The following SHOX variants were observed in gnomAD, a reference collection of about 807,000 sequenced individuals.
SHOX encodes SHOX homeobox, also known as short stature homeobox protein.
In SHOX, 12 loss-of-function variants were observed where a neutral mutation model predicts 29.6. The ratio of observed to expected loss-of-function variants is 0.41; its 90% CI spans 0.26 to 0.66. The LOEUF is 0.66. SHOX is among the 30% of genes least tolerant of loss of function. SHOX has a pLI of 0.35. For missense variants in SHOX, 499 were observed against 437.7 expected, an observed-to-expected ratio of 1.14 and a Z score of -1.25; for synonymous variants, 214 against 200.6, an observed-to-expected ratio of 1.07 and a Z score of -0.57.
In SHOX at chrX:651,119, TGG is replaced by T; in HGVS notation, c.*6484_*6485del. Reference sequence around the variant, plus strand: ...CATTTGTTATTTATTTTTTTTTCCTTGGTCGGACGTTCATAAATATGTACTAT... The same window carrying T: ...CATTTGTTATTTATTTTTTTTTCCTTTCGGACGTTCATAAATATGTACTAT... On this transcript the variant is annotated 3_prime_UTR_variant, in exon 5 of 5. Coordinates refer to ENST00000686671, the MANE Select transcript of SHOX (RefSeq NM_000451.4). 5.8e-6 allele frequency: 2 copies of T among 346,044 alleles called. No homozygotes were observed. Among genetic ancestry groups the T allele is most frequent in the Non-Finnish European group, 1.1e-5 (2 of 177,622 alleles). The allele number at this position is 346,044 out of a possible 1,614,324, so 21.4% of individuals were successfully genotyped here.
chrX:630,881 C>T lies in SHOX; in HGVS notation c.-17C>T. On this transcript the variant is annotated 5_prime_UTR_variant, in exon 1 of 5. Coordinates refer to ENST00000686671, the MANE Select transcript of SHOX (RefSeq NM_000451.4). Reference sequence around the variant, plus strand: ...GCATCCACCAGCCCCGGCTGCTCGCCAGCCCCGGCCCCAGCCATGGAAGAG... The same window carrying T: ...GCATCCACCAGCCCCGGCTGCTCGCTAGCCCCGGCCCCAGCCATGGAAGAG... 2 of 1,612,540 alleles carry T rather than the reference C, an allele frequency of 1.2e-6. No individual in the cohort carries two copies. The highest frequency in any genetic ancestry group is 1.7e-6 in the Non-Finnish European group (2 of 1,179,772).
In SHOX at chrX:650,806, A is replaced by AAAC. The variant is rs1556473169; in HGVS notation, c.*6172_*6173insCAA. Among the ~76,000 whole-genome samples the AAAC allele has an allele frequency of 1.8e-3, 259 of 143,764 alleles. 4 individuals are homozygous for AAAC. Among genetic ancestry groups the AAAC allele is most frequent in the Non-Finnish European group, 3.4e-3 (223 of 65,710 alleles). The allele number at this position is 143,764 out of a possible 152,430, so 94.3% of individuals were successfully genotyped here. ...ACGTTTGACATTAAAAAAAAAAAAA[A>AAAC]AAAAAAAAAAAAACTGGTGCCTAAT... On this transcript the variant is annotated 3_prime_UTR_variant, in exon 5 of 5. Transcript: ENST00000686671.
upstream of SHOX, among the ~76,000 whole-genome samples, chrX:629,287 C>A (rs1291425092): frequency 2.0e-5 from 3 of 151,514 alleles, no homozygotes; most frequent in Non-Finnish European, 4.4e-5. Flanking sequence ...CTCTCTCCGT[C>A]TCTCCCTGTC....
At position 650,810 on chromosome X, in the gene SHOX, A is replaced by AAC. The variant is rs1556473215; in HGVS notation, c.*6175_*6176insCA. On this transcript the variant is annotated 3_prime_UTR_variant, in exon 5 of 5. Transcript: ENST00000686671. ...TTGACATTAAAAAAAAAAAAAAAAAAAAAAAAAAACTGGTGCCTAATTTAT... is the reference window on the plus strand; with the variant it reads ...TTGACATTAAAAAAAAAAAAAAAAAAACAAAAAAAAACTGGTGCCTAATTTAT... Among the ~76,000 whole-genome samples the AAC allele has an allele frequency of 2.7e-5, 4 of 150,096 alleles. No homozygotes were observed. Among genetic ancestry groups the AAC allele is most frequent in the African/African-American group, 7.3e-5 (3 of 40,834 alleles).
intron 1 of SHOX, chrX:631,959 G>A (rs911955399): frequency 1.5e-5 from 7 of 455,986 alleles, no homozygotes; most frequent in African/African-American, 1.0e-4. Flanking sequence ...CGGGCCCCCG[G>A]AGATCACGGG....
At chrX:624,884 TTCTTTCTTTCTTTCTTTCTC>T (rs751477891) in intron 1 of SHOX, among the ~76,000 whole-genome samples, 20,461 of 107,346 alleles carry the variant, frequency 0.19, 2,011 homozygotes, top group South Asian at 0.27. Flanking sequence ...CTTTCTTTCT[TTCTTTCTTTCTTTCTTTCTC>T]TCTTCCTTTC....
In SHOX at chrX:651,257, G is replaced by T; in HGVS notation, c.*6621G>T. 2.2e-6 allele frequency: 1 copy of T among 453,518 alleles called. No homozygotes were observed. Among genetic ancestry groups the T allele is most frequent in the South Asian group, 1.6e-5 (1 of 63,892 alleles). 28.1% of individuals were successfully genotyped at this position (453,518 alleles called of 1,614,324 possible). On this transcript the variant is annotated 3_prime_UTR_variant, in exon 5 of 5. Transcript: ENST00000686671. ...CCATTGACGACATAGCGGCCCCCGCGTCCGGGTTACAAATACATCTACAGA... is the reference window on the plus strand; with the variant it reads ...CCATTGACGACATAGCGGCCCCCGCTTCCGGGTTACAAATACATCTACAGA...
intron 5 of SHOX, among the ~76,000 whole-genome samples, chrX:658,228 G>A (rs933308655): frequency 2.6e-5 from 4 of 152,040 alleles, no homozygotes; most frequent in African/African-American, 4.8e-5. Flanking sequence ...GCCTGCCTCG[G>A]CCTCCCAAAG....
At position 647,268 on chromosome X, in the gene SHOX, A is replaced by G. The variant is rs766680517; in HGVS notation, c.*2632A>G. On this transcript the variant is annotated 3_prime_UTR_variant, in exon 5 of 5. Transcript: ENST00000686671. ...ACTTTCTGGTATTTTTAGTAGAGACAGGGTTTCAGCCTCCCGAGTAGCTGG... is the reference window on the plus strand; with the variant it reads ...ACTTTCTGGTATTTTTAGTAGAGACGGGGTTTCAGCCTCCCGAGTAGCTGG... Among the ~76,000 whole-genome samples, 13 of 126,546 alleles carry G rather than the reference A, an allele frequency of 1.0e-4. No individual in the cohort carries two copies. Among genetic ancestry groups the G allele is most frequent in the Admixed American group, 4.2e-4 (5 of 12,036 alleles). 83.0% of individuals were successfully genotyped at this position (126,546 alleles called of 152,430 possible).
intron 2 of SHOX, among the ~76,000 whole-genome samples, chrX:638,281 T>A (rs2052791480): frequency 6.6e-6 from 1 of 152,052 alleles, no homozygotes; most frequent in Admixed American, 6.6e-5. Context: ...CTCGCCGTGT[T>A]GAAGGGAGAG....
chrX:651,392 A>C lies in SHOX; in HGVS notation c.*6756A>C, dbSNP rs971772574. On this transcript the variant is annotated 3_prime_UTR_variant, in exon 5 of 5. Transcript: ENST00000686671. ...TGTCGGCAGGCGGTGAGGGGTAGAA[A>C]AAAAACAAACAAACAAACAGAAAAA... 2 of 448,024 alleles carry C rather than the reference A, an allele frequency of 4.5e-6. No individual in the cohort carries two copies. The highest frequency in any genetic ancestry group is 4.3e-5 in the African/African-American group (2 of 46,846). The allele number at this position is 448,024 out of a possible 1,614,324, so 27.8% of individuals were successfully genotyped here.
At chrX:634,880 G>C (rs2052716989) in intron 2 of SHOX, 54 bp downstream of exon 2, 1 of 1,528,326 alleles carries the variant, frequency 6.5e-7, no homozygotes, top group Non-Finnish European at 8.8e-7. Flanking sequence ...TGGTCCTCGG[G>C]AGCGCACAGC....
chrX:655,066 G>C (rs766360872), downstream of SHOX, among the ~76,000 whole-genome samples: 1 of 151,940 alleles, frequency 6.6e-6, no homozygotes. Flanking sequence ...CTGGCTGACA[G>C]AGTGAGACCA....
At position 643,603 on chromosome X, in the gene SHOX, CCTGGTGTCCTGGGAGAGCCTTGGGGAT is replaced by C. The variant is rs1569495074; in HGVS notation, c.634-774_634-748del. Among the ~76,000 whole-genome samples the C allele has an allele frequency of 8.2e-5, 11 of 133,536 alleles. No homozygotes were observed. The South Asian group carries it at 9.8e-4, about 12-fold the overall frequency. 87.6% of individuals were successfully genotyped at this position (133,536 alleles called of 152,430 possible). On this transcript the variant is annotated intron_variant, in intron 4 of 4. Coordinates refer to ENST00000686671, the MANE Select transcript of SHOX (RefSeq NM_000451.4). ...TGGTGTCCCGGGAGAGGCTTGGGGA[CCTGGTGTCCTGGGAGAGCCTTGGGGAT>C]CTGGTGTCCTGGGGAGAGGCTGGGG...
chrX:643,272 TGGG>T (rs2052895310), intron 4 of SHOX, among the ~76,000 whole-genome samples: 2 of 140,454 alleles, frequency 1.4e-5, no homozygotes, highest in African/African-American at 5.5e-5. Context: ...GGGAGAGGCT[TGGG>T]GACCTGGTGT....
Position 634,695 on chromosome X carries a change from C to T in SHOX, c.355C>T (p.Arg119Cys). Residue 119 changes from arginine to cysteine, a missense_variant, in exon 2 of 5, where the codon CGC becomes TGC. Arg to Cys is a radical substitution (Grantham distance 180). Transcript: ENST00000686671. ...EDGQTKLKQR[R>C]SRTNFTLEQL... Reference sequence around the variant, plus strand: ...CGGGCAGACCAAGCTGAAACAGAGGCGCAGCCGCACCAACTTCACGCTGGA... The same window carrying T: ...CGGGCAGACCAAGCTGAAACAGAGGTGCAGCCGCACCAACTTCACGCTGGA... The T allele has an allele frequency of 6.2e-7, 1 of 1,613,870 alleles. No homozygotes were observed. The highest frequency in any genetic ancestry group is 8.5e-7 in the Non-Finnish European group (1 of 1,179,862).
chrX:652,354 T>TTC (rs2053078962), downstream of SHOX, among the ~76,000 whole-genome samples: 1 of 151,374 alleles, frequency 6.6e-6, no homozygotes, highest in African/African-American at 2.4e-5. Flanking sequence ...TTTTTTTTTT[T>TTC]TTTGCATAGA....
At chrX:624,905 T>TTTCTTC in intron 1 of SHOX, among the ~76,000 whole-genome samples, 2 of 45,170 alleles carry the variant, frequency 4.4e-5, no homozygotes, top group South Asian at 8.3e-4. Flanking sequence ...TTTCTTTCTC[T>TTTCTTC]CTTCCTTTCT....
chrX:627,284 C>T (rs1405846155), upstream of SHOX, among the ~76,000 whole-genome samples: 1 of 152,118 alleles, frequency 6.6e-6, no homozygotes, highest in Non-Finnish European at 1.5e-5. Flanking sequence ...CAACGAAAAA[C>T]GTGTGGGGTA....
Sources: gnomAD v4.1 joint callset for allele counts (sites outside exome capture counted in the v4.1 genomes callset) on GRCh38, gnomAD v4.1.1 for gene constraint, MANE v1.5 for transcripts, NCBI Gene and HGNC (gene_info 2026-07-23, HGNC 2026-07-21) for gene names.